The following CNOT4 variants were observed in gnomAD, a reference collection of about 807,000 sequenced individuals.
The protein encoded by CNOT4 is CCR4-associated factor 4.
A neutral mutation model predicts 73.8 loss-of-function variants in CNOT4; 8 were observed. That is an observed-to-expected ratio of 0.11 (90% confidence interval 0.06 to 0.20). The LOEUF (loss-of-function observed/expected upper bound fraction) is 0.20, where lower values mean the gene tolerates loss of function less well. CNOT4 is among the 10% of genes least tolerant of loss of function. The pLI, the probability that CNOT4 is intolerant of heterozygous loss-of-function variation, is 1.00. For missense variants in CNOT4, 564 were observed against 883.4 expected (o/e 0.64, Z 4.58); for synonymous variants, 293 against 321.1 (o/e 0.91, Z 0.94).
In CNOT4 at chr7:135,457,612, G is replaced by A. The variant is rs145474678; in HGVS notation, c.-92-19189C>T. 1.4e-3 allele frequency among the ~76,000 whole-genome samples: 218 copies of A among 152,048 alleles called. 4 individuals are homozygous for A. Among genetic ancestry groups the A allele is most frequent in the Non-Finnish European group, 2.4e-3 (160 of 67,922 alleles). ...CCAAAAATTTGTAAGTTTCAATGGC[G>A]TTTCCACGCTTCTAATACTATTTTA... On this transcript the variant is annotated intron_variant, in intron 1 of 11. Transcript: ENST00000541284.
rs117229019 is a variant in CNOT4, at chr7:135,481,219, C to T, written c.-93+28670G>A. 2.3e-3 allele frequency among the ~76,000 whole-genome samples: 342 copies of T among 151,726 alleles called. 13 individuals carry two copies. In the East Asian group the frequency reaches 0.054, roughly 24 times the overall value. On this transcript the variant is annotated intron_variant, in intron 1 of 11. Coordinates refer to ENST00000541284, the MANE Select transcript of CNOT4 (RefSeq NM_001190850.2). ...ACAAGAGACTAATATCCAGAATATACAAGAAACTCAAACCATTAAAAAAAA... is the reference window on the plus strand; with the variant it reads ...ACAAGAGACTAATATCCAGAATATATAAGAAACTCAAACCATTAAAAAAAA...
chr7:135,363,985 T>C lies in CNOT4; in HGVS notation c.1709A>G (p.Asn570Ser). 1.3e-6 allele frequency: 2 copies of C among 1,598,412 alleles called. No homozygotes were observed. Among genetic ancestry groups the C allele is most frequent in the Non-Finnish European group, 1.7e-6 (2 of 1,179,768 alleles). ...AGAAGAATTGGGCAGTCCACCAAAG[T>C]TGATGTTAATGTTGGGTAGAAGTGC... ...LRALLPNININFGGLPNSSSP... is the reference protein window; with the variant it reads ...LRALLPNINISFGGLPNSSSP... Residue 570 changes from asparagine (N) to serine (S), a missense_variant, in exon 11 of 12, where the codon AAC becomes AGC. By Grantham distance (46) the Asn-to-Ser change is conservative. This residue lies in a region of CNOT4 where 53 missense variants were observed against 75.4 expected (regional missense o/e 0.70). Coordinates refer to ENST00000541284, the MANE Select transcript of CNOT4 (RefSeq NM_001190850.2). This position sits in a 1 kb window ranked among gnomAD's most constrained non-coding sequence, Gnocchi z 4.3.
intron 7 of CNOT4, among the ~76,000 whole-genome samples, chr7:135,402,740 A>G (rs1321793977): frequency 1.3e-5 from 2 of 152,148 alleles, no homozygotes; most frequent in African/African-American, 4.8e-5. Flanking sequence ...CAAATTCAAA[A>G]CTGTCTGCAA....
chr7:135,472,145 C>T (rs759847441), intron 1 of CNOT4, among the ~76,000 whole-genome samples: 2 of 150,770 alleles, frequency 1.3e-5, no homozygotes, highest in African/African-American at 4.9e-5. Flanking sequence ...TGTACTCCAG[C>T]GTGGGCCACA....
At chr7:135,366,864 T>C (rs1794944740) in intron 10 of CNOT4, among the ~76,000 whole-genome samples, 1 of 152,152 alleles carries the variant, frequency 6.6e-6, no homozygotes, top group Non-Finnish European at 1.5e-5. Context: ...TCAAAATAGC[T>C]CATCTCAGTC....
At chr7:135,421,240 C>G (rs2129484502) in intron 3 of CNOT4, among the ~76,000 whole-genome samples, 1 of 152,252 alleles carries the variant, frequency 6.6e-6, no homozygotes, top group Non-Finnish European at 1.5e-5. Context: ...CTTCTGGGGC[C>G]TTTAACACGC....
chr7:135,510,057 C>G lies in CNOT4; in HGVS notation c.-261G>C. 2.5e-6 allele frequency: 1 copy of G among 399,202 alleles called. No individual in the cohort carries two copies. Among genetic ancestry groups the G allele is most frequent in the Non-Finnish European group, 4.4e-6 (1 of 226,190 alleles). The allele number at this position is 399,202 out of a possible 1,614,324, so 24.7% of individuals were successfully genotyped here. A position where few individuals can be genotyped will look rare whatever the true frequency, so the allele number is the denominator to read the frequency against. On this transcript the variant is annotated 5_prime_UTR_variant, in exon 1 of 12. Transcript: ENST00000541284. ...AGAGACTCTCAGCTTTCGGTGGGTTCCACAGCCAGACGGGCCACCATCTTA... is the reference window on the plus strand; with the variant it reads ...AGAGACTCTCAGCTTTCGGTGGGTTGCACAGCCAGACGGGCCACCATCTTA...
At chr7:135,454,926 A>G (rs1285043645) in intron 1 of CNOT4, among the ~76,000 whole-genome samples, 6 of 152,174 alleles carry the variant, frequency 3.9e-5, no homozygotes, top group Non-Finnish European at 7.3e-5. Flanking sequence ...TGTAAACGTA[A>G]AGGACCAAAT....
chr7:135,503,468 GA>G (rs1010773232), intron 1 of CNOT4, among the ~76,000 whole-genome samples: 26 of 149,566 alleles, frequency 1.7e-4, no homozygotes, highest in Non-Finnish European at 3.1e-4. Flanking sequence ...AAAAAAAAAA[GA>G]AAAAAAGTTC....
intron 2 of CNOT4, among the ~76,000 whole-genome samples, chr7:135,437,718 T>A (rs535625323): frequency 1.3e-5 from 2 of 152,336 alleles, no homozygotes; most frequent in African/African-American, 4.8e-5. Flanking sequence ...TCTGTCATTT[T>A]AACTCTTTTT....
intron 1 of CNOT4, chr7:135,444,912 G>A: frequency 2.5e-6 from 4 of 1,601,682 alleles, no homozygotes; most frequent in Non-Finnish European, 3.4e-6. Flanking sequence ...CAAAGCTGTT[G>A]CCATGCTGTG....
intron 1 of CNOT4, among the ~76,000 whole-genome samples, chr7:135,482,760 G>C (rs1405756731): frequency 6.7e-6 from 1 of 150,308 alleles, no homozygotes; most frequent in African/African-American, 2.4e-5. Flanking sequence ...GCAGGCAGAT[G>C]ACCTGAGGTC....
intron 2 of CNOT4, among the ~76,000 whole-genome samples, chr7:135,426,615 A>G (rs1000589910): frequency 4.8e-4 from 72 of 150,942 alleles, no homozygotes; most frequent in South Asian, 8.4e-4. Flanking sequence ...AAAAAAAAAA[A>G]AAAGAAAGAA....
chr7:135,431,692 G>A (rs1428900144), intron 2 of CNOT4, among the ~76,000 whole-genome samples: 1 of 150,658 alleles, frequency 6.6e-6, no homozygotes, highest in Non-Finnish European at 1.5e-5. Flanking sequence ...GCAGTGAGCC[G>A]AGATCACACC....
At chr7:135,501,704 C>T (rs1563087016) in intron 1 of CNOT4, among the ~76,000 whole-genome samples, 1 of 152,210 alleles carries the variant, frequency 6.6e-6, no homozygotes, top group African/African-American at 2.4e-5. Context: ...CACCAATACA[C>T]CTTTCATAAT....
intron 8 of CNOT4, 70 bp downstream of exon 8, chr7:135,398,099 T>G: frequency 4.8e-6 from 4 of 829,676 alleles, no homozygotes; most frequent in Non-Finnish European, 8.2e-6. Context: ...TTTAGAAAAT[T>G]CACCTGCATG....
At chr7:135,405,248 A>C (rs1311019496) in intron 7 of CNOT4, among the ~76,000 whole-genome samples, 7 of 152,176 alleles carry the variant, frequency 4.6e-5, no homozygotes, top group Admixed American at 4.6e-4. Context: ...GAAGACTCAA[A>C]ACTTTTATTC....
intron 10 of CNOT4, among the ~76,000 whole-genome samples, chr7:135,376,169 T>C (rs557821883): frequency 2.0e-5 from 3 of 152,288 alleles, no homozygotes; most frequent in South Asian, 4.1e-4. Context: ...TCTGACTAAA[T>C]GCTTCCAAAA....
chr7:135,496,631 C>CCTCTCTCTCTCTCT (rs112838755), intron 1 of CNOT4, among the ~76,000 whole-genome samples: 1 of 148,484 alleles, frequency 6.7e-6, no homozygotes, highest in Admixed American at 6.7e-5. Flanking sequence ...TCTTCCTATT[C>CCTCTCTCTCTCTCT]CTCTCTCTCT....
Sources: gnomAD v4.1 joint callset for allele counts (sites outside exome capture counted in the v4.1 genomes callset) on GRCh38, gnomAD v4.1.1 for gene constraint, gnomAD v4.1.1 regional missense constraint, Gnocchi (gnomAD v3.1) non-coding constraint, MANE v1.5 for transcripts, NCBI Gene and HGNC (gene_info 2026-07-23, HGNC 2026-07-21) for gene names.